Variants in CIMAP1D observed in about 807,000 individuals in gnomAD.
CIMAP1D encodes CIMAP1 family member D.
At chr19:487,716 G>A in the CIMAP1D span, among the ~76,000 whole-genome samples, 23 of 151,564 alleles carry the variant, frequency 1.5e-4, no homozygotes, top group African/African-American at 5.6e-4. Flanking sequence ...GAGGTCAGGA[G>A]TTCGAGACCA....
chr19:483,548 T>A, the CIMAP1D span, among the ~76,000 whole-genome samples: 38 of 152,250 alleles, frequency 2.5e-4, no homozygotes, highest in African/African-American at 8.7e-4. Context: ...ACCCAGGTGA[T>A]TGCCCCCAGG....
At chr19:485,294 A>G in the CIMAP1D span, among the ~76,000 whole-genome samples, 5 of 152,224 alleles carry the variant, frequency 3.3e-5, no homozygotes, top group East Asian at 7.7e-4. Context: ...GCGTGCTCAC[A>G]TAGGAACACG....
the CIMAP1D span, among the ~76,000 whole-genome samples, chr19:469,915 C>G: frequency 6.6e-6 from 1 of 152,090 alleles, no homozygotes; most frequent in Non-Finnish European, 1.5e-5. Context: ...GCTCAGTGCC[C>G]CGTGAGAAAT....
At chr19:471,811 C>T in the CIMAP1D span, among the ~76,000 whole-genome samples, 1 of 151,874 alleles carries the variant, frequency 6.6e-6, no homozygotes, top group Admixed American at 6.6e-5. Flanking sequence ...GGCGCCATCT[C>T]GGCTCACCGC....
At chr19:482,216 C>G in the CIMAP1D span, among the ~76,000 whole-genome samples, 1 of 152,198 alleles carries the variant, frequency 6.6e-6, no homozygotes, top group African/African-American at 2.4e-5. Context: ...TCACATTCTT[C>G]TTTTAATGCT....
the CIMAP1D span, among the ~76,000 whole-genome samples, chr19:475,152 G>A: frequency 6.6e-6 from 1 of 152,226 alleles, no homozygotes; most frequent in Non-Finnish European, 1.5e-5. Context: ...GGTCGTGGGT[G>A]GCGTGGCCCC....
At chr19:474,577 G>A in the CIMAP1D span, 37 of 1,449,424 alleles carry the variant, frequency 2.6e-5, 2 homozygotes, top group Admixed American at 7.0e-4. Flanking sequence ...TATGGGGAGT[G>A]GAGCAGGAAA....
the CIMAP1D span, among the ~76,000 whole-genome samples, chr19:484,301 C>T: frequency 2.0e-3 from 310 of 151,976 alleles, no homozygotes; most frequent in African/African-American, 7.2e-3. Context: ...CCACCACGCC[C>T]GGCTAATTTT....
chr19:483,552 C>T, the CIMAP1D span, among the ~76,000 whole-genome samples: 1 of 152,202 alleles, frequency 6.6e-6, no homozygotes, highest in Admixed American at 6.5e-5. Flanking sequence ...AGGTGATTGC[C>T]CCCAGGGGAC....
chr19:485,809 G>A, the CIMAP1D span, among the ~76,000 whole-genome samples: 1 of 152,196 alleles, frequency 6.6e-6, no homozygotes, highest in Admixed American at 6.5e-5. Flanking sequence ...CAGGAGAGGG[G>A]GAGGCCAGGT....
At chr19:476,859 T>G in the CIMAP1D span, among the ~76,000 whole-genome samples, 1 of 152,294 alleles carries the variant, frequency 6.6e-6, no homozygotes, top group East Asian at 1.9e-4. Context: ...TTAAACTGTG[T>G]AGGATGCAGT....
the CIMAP1D span, chr19:489,984 A>G: frequency 2.5e-6 from 1 of 398,478 alleles, no homozygotes; most frequent in Non-Finnish European, 4.4e-6. Context: ...CCAGAAGCGG[A>G]GCGGGAGCCC....
chr19:488,803 G>A, the CIMAP1D span, among the ~76,000 whole-genome samples: 1 of 152,204 alleles, frequency 6.6e-6, no homozygotes, highest in Non-Finnish European at 1.5e-5. Flanking sequence ...TTGGGCGAAC[G>A]GCCAGGCCTC....
the CIMAP1D span, among the ~76,000 whole-genome samples, chr19:469,244 G>C: frequency 6.6e-6 from 1 of 150,470 alleles, no homozygotes; most frequent in East Asian, 2.0e-4. Context: ...TTTTGAGGGA[G>C]TGTCTCACTC....
chr19:463,423 C>T, the CIMAP1D span: 1 of 250,890 alleles, frequency 4.0e-6, no homozygotes. Context: ...AAGGCACAGG[C>T]CTCGGGGCTG....
At chr19:485,338 G>A in the CIMAP1D span, among the ~76,000 whole-genome samples, 1 of 152,234 alleles carries the variant, frequency 6.6e-6, no homozygotes. Context: ...CGAGCCCCGT[G>A]GCGCCCTGGG....
At chr19:469,678 G>A in the CIMAP1D span, among the ~76,000 whole-genome samples, 214 of 151,908 alleles carry the variant, frequency 1.4e-3, no homozygotes, top group African/African-American at 4.7e-3. Flanking sequence ...GCGATAGTGT[G>A]AGACTCAGTC....
chr19:479,218 A>C, the CIMAP1D span, among the ~76,000 whole-genome samples: 5 of 152,142 alleles, frequency 3.3e-5, no homozygotes, highest in African/African-American at 1.2e-4. Flanking sequence ...AATGTTTCCT[A>C]CGATTAGGCA....
chr19:482,927 ACCT>A, the CIMAP1D span, among the ~76,000 whole-genome samples: 1 of 152,030 alleles, frequency 6.6e-6, no homozygotes. Context: ...TCCCAGGCAG[ACCT>A]CCTGCGCCCA....
Sources: gnomAD v4.1 joint callset for allele counts (sites outside exome capture counted in the v4.1 genomes callset) on GRCh38, gnomAD v4.1.1 for gene constraint, MANE v1.5 for transcripts, NCBI Gene and HGNC (gene_info 2026-07-23, HGNC 2026-07-21) for gene names.